Variants in NDUFB11 observed in about 807,000 individuals in gnomAD.
NDUFB11 encodes NADH:ubiquinone oxidoreductase subunit B11.
For missense variants in NDUFB11, 108 were observed against 133.8 expected (o/e 0.81, Z 0.95); for synonymous variants, 51 against 57.4 (o/e 0.89, Z 0.51).
intron 2 of NDUFB11, 74 bp from the exon 3 acceptor site, chrX:47,142,514 T>C: frequency 8.3e-7 from 1 of 1,203,837 alleles, no homozygotes; most frequent in Non-Finnish European, 1.1e-6. Flanking sequence ...AGCTCCCCAT[T>C]CCCAATGGTG....
upstream of NDUFB11, chrX:47,144,716 G>C (rs1240171329): frequency 1.8e-6 from 2 of 1,086,236 alleles, no homozygotes; most frequent in African/African-American, 3.7e-5. Context: ...GGCGGGGAAA[G>C]AAATGCGACT....
At chrX:47,144,376 C>A (rs1931904192) in intron 1 of NDUFB11, 97 bp downstream of exon 1, 9 of 684,555 alleles carry the variant, frequency 1.3e-5, no homozygotes, top group Non-Finnish European at 1.8e-5. Flanking sequence ...TCCTCTACTG[C>A]CTAAGAACGT....
intron 1 of NDUFB11, 135 bp downstream of exon 1, chrX:47,144,338 G>T: frequency 2.2e-6 from 1 of 449,114 alleles, no homozygotes; most frequent in Non-Finnish European, 3.3e-6. Flanking sequence ...AAATTCCCAA[G>T]TCTTCTAGGC....
At chrX:47,145,186 A>G (rs1286106700), upstream of NDUFB11, 1 of 428,215 alleles carries the variant, frequency 2.3e-6, no homozygotes, top group East Asian at 3.9e-5. Flanking sequence ...GCGGGCGGTG[A>G]CCAATCGCCG....
At chrX:47,143,512 G>T (rs868916056) in intron 1 of NDUFB11, among the ~76,000 whole-genome samples, 6 of 112,225 alleles carry the variant, frequency 5.3e-5, no homozygotes, top group African/African-American at 1.9e-4. Context: ...TTATGTGCCA[G>T]TCTTTTCACA....
chrX:47,142,468 G>A, intron 2 of NDUFB11, 28 bp from the exon 3 acceptor site: 1 of 1,210,130 alleles, frequency 8.3e-7, no homozygotes, highest in Non-Finnish European at 1.1e-6. Context: ...AGGGGTAGAC[G>A]TGAGGGAGCC....
At chrX:47,145,289 C>A, upstream of NDUFB11, 2 of 579,743 alleles carry the variant, frequency 3.4e-6, no homozygotes, top group Non-Finnish European at 2.8e-6. Context: ...GTGACTGTGG[C>A]CGGCTGGGAG....
rs1556761202 is a variant in NDUFB11 at position 47,144,520 on chromosome X, G to A, written c.160C>T (p.Pro54Ser). The A allele has an allele frequency of 4.5e-6, 5 of 1,108,863 alleles. No homozygotes were observed. The African/African-American group carries it at 1.0e-4, about 22-fold the overall frequency. The allele number at this position is 1,108,863 out of a possible 1,213,427, so 91.4% of individuals were successfully genotyped here. Residue 54 changes from proline (P) to serine (S), a missense_variant, in exon 1 of 3, where the codon CCG becomes TCG. By Grantham distance (74) the Pro-to-Ser change is moderately conservative. Transcript: ENST00000377811. ...TCGGGTTCTGGGTCCTCTTGCCACGGTGTGGTCGGTTCTGGGGGCCGCTTT... is the reference window on the plus strand; with the variant it reads ...TCGGGTTCTGGGTCCTCTTGCCACGATGTGGTCGGTTCTGGGGGCCGCTTT... ...AGKRPPEPTTPWQEDPEPEDE... is the reference protein window; with the variant it reads ...AGKRPPEPTTSWQEDPEPEDE...
At chrX:47,144,443 A>AGCCCCCCCCCCCCCC in intron 1 of NDUFB11, 30 bp downstream of exon 1, 1 of 78,827 alleles carries the variant, frequency 1.3e-5, no homozygotes. Flanking sequence ...TTCCGTCCCC[A>AGCCCCCCCCCCCCCC]CTACCCCCCC....
chrX:47,142,483 C>CTGA (rs1569161139), intron 2 of NDUFB11, 43 bp from the exon 3 acceptor site: 9 of 1,207,841 alleles, frequency 7.5e-6, no homozygotes, highest in Non-Finnish European at 1.0e-5. Context: ...GGAGCCTCAA[C>CTGA]TGATACCAAT....
Position 47,142,661 on chromosome X carries a change from G to A in NDUFB11, c.291C>T (p.Ile97=). 1 of 1,212,036 alleles carries A rather than the reference G, an allele frequency of 8.3e-7. No homozygotes were observed. Residue 97 remains isoleucine, a synonymous_variant, in exon 2 of 3, where the codon ATC becomes ATT. Transcript: ENST00000377811. ...CAAAGGTGCTGCCAAGGACCAGGAT[G>A]ATGGAGACGCCAAAGAAGAAGACAA... ...MRLVFFFGVS[I]ILVLGSTFVA...
At chrX:47,144,304 C>CAAAGGAGGA (rs782133943) in intron 1 of NDUFB11, among the ~76,000 whole-genome samples, 169 bp downstream of exon 1, 66 of 108,857 alleles carry the variant, frequency 6.1e-4, no homozygotes, top group Middle Eastern at 4.7e-3. Flanking sequence ...TACCGAGAGA[C>CAAAGGAGGA]AAAGGAGGAA....
At chrX:47,142,823 A>G (rs782657770) in intron 1 of NDUFB11, 79 bp from the exon 2 acceptor site, 1 of 1,044,157 alleles carries the variant, frequency 9.6e-7, no homozygotes, top group East Asian at 3.1e-5. Context: ...CTTGGTCTCC[A>G]TGTGCCCCTC....
At chrX:47,144,446 A>AACCCCCC in intron 1 of NDUFB11, 27 bp downstream of exon 1, 1 of 53,658 alleles carries the variant, frequency 1.9e-5, no homozygotes, top group Non-Finnish European at 3.3e-5. Flanking sequence ...CGTCCCCACT[A>AACCCCCC]CCCCCCCCCC....
Position 47,144,546 on chromosome X carries a change from C to T in NDUFB11, c.134G>A (p.Gly45Glu). Residue 45 changes from glycine to glutamate, a missense_variant, in exon 1 of 3, where the codon GGA becomes GAA. By Grantham distance (98) the Gly-to-Glu change is moderately conservative (BLOSUM62 -2). Transcript: ENST00000377811. The part of the protein sequence containing the change: ...RTVVAPSAVA[G>E]KRPPEPTTPW... ...TGTGGTCGGTTCTGGGGGCCGCTTT[C>T]CCGCCACAGCGGACGGGGCGACCAC... The T allele has an allele frequency of 8.4e-7, 1 of 1,191,713 alleles. No individual in the cohort carries two copies. Among genetic ancestry groups the T allele is most frequent in the Non-Finnish European group, 1.1e-6 (1 of 884,664 alleles).
At chrX:47,142,885 T>C (rs1931823478) in intron 1 of NDUFB11, 141 bp from the exon 2 acceptor site, 1 of 666,530 alleles carries the variant, frequency 1.5e-6, no homozygotes. Context: ...TCCTTCCCAC[T>C]GCAGGGCCAC....
In NDUFB11 at chrX:47,144,665, C is replaced by T. The variant is rs1316776561; in HGVS notation, c.15G>A (p.Leu5=). The T allele has an allele frequency of 8.6e-7, 1 of 1,162,282 alleles. No individual in the cohort carries two copies. The highest frequency in any genetic ancestry group is 1.8e-5 in the African/African-American group (1 of 55,635). MAAG[L]FGLSARRLLA... ...AAAGACGGCGAGCGCTCAAACCAAA[C>T]AGCCCAGCCGCCATGACAGATGGTG... Residue 5 remains leucine, a synonymous_variant, in exon 1 of 3, where the codon CTG becomes CTA. Transcript: ENST00000377811.
At chrX:47,145,171 C>T (rs982120881), upstream of NDUFB11, 8 of 421,959 alleles carry the variant, frequency 1.9e-5, no homozygotes, top group African/African-American at 2.0e-4. Flanking sequence ...CAGGGCTGTC[C>T]CCTAGCGGGC....
chrX:47,145,004 A>G (rs1556761437), upstream of NDUFB11: 4 of 300,834 alleles, frequency 1.3e-5, no homozygotes, highest in South Asian at 8.6e-5. Context: ...CACTGGGGAA[A>G]GAGGCAGAGC....
Sources: gnomAD v4.1 joint callset for allele counts (sites outside exome capture counted in the v4.1 genomes callset) on GRCh38, gnomAD v4.1.1 for gene constraint, MANE v1.5 for transcripts, NCBI Gene and HGNC (gene_info 2026-07-23, HGNC 2026-07-21) for gene names.